Variants in NALF1 observed in about 807,000 individuals in gnomAD.
NALF1 encodes family with sequence similarity 155 member A.
A neutral mutation model predicts 48.4 loss-of-function variants in NALF1; 3 were observed. The ratio of observed to expected loss-of-function variants is 0.06; its 90% CI spans 0.03 to 0.16. The LOEUF is 0.16. Among genes scored for constraint, NALF1 ranks in the 10% least tolerant of loss-of-function variants. The pLI, the probability that NALF1 is intolerant of heterozygous loss-of-function variation, is 1.00. For synonymous variants in NALF1, 262 were observed against 245.7 expected, an observed-to-expected ratio of 1.07 and a Z score of -0.62; for missense variants, 526 against 571.5, an observed-to-expected ratio of 0.92 and a Z score of 0.81.
intron 1 of NALF1, among the ~76,000 whole-genome samples, chr13:107,293,020 G>A (rs964144319): frequency 4.2e-5 from 4 of 95,076 alleles, no homozygotes; most frequent in Non-Finnish European, 4.2e-5. Context: ...GAGCTCTGTC[G>A]CCCAGGCTGG....
intron 1 of NALF1, among the ~76,000 whole-genome samples, chr13:107,446,560 C>G (rs1042757210): frequency 6.6e-5 from 10 of 152,066 alleles, no homozygotes; most frequent in African/African-American, 1.9e-4. Flanking sequence ...TTCATGGCAG[C>G]ATAGAATATT....
intron 1 of NALF1, among the ~76,000 whole-genome samples, chr13:107,364,986 C>T (rs1594138484): frequency 1.2e-5 from 1 of 83,406 alleles, no homozygotes; most frequent in Non-Finnish European, 2.4e-5. Flanking sequence ...CCCCCTTCCC[C>T]ATCCCCCTCC....
At chr13:107,192,986 A>G (rs1393503159) in intron 2 of NALF1, among the ~76,000 whole-genome samples, 13 of 152,234 alleles carry the variant, frequency 8.5e-5, no homozygotes, top group Non-Finnish European at 1.9e-4. Context: ...AAAAAATAAA[A>G]AAGAAAAAAT....
intron 1 of NALF1, among the ~76,000 whole-genome samples, chr13:107,467,151 T>C (rs1885017429): frequency 6.6e-6 from 1 of 152,222 alleles, no homozygotes; most frequent in South Asian, 2.1e-4. Flanking sequence ...ATATGAATTC[T>C]TGATCGACAT....
At chr13:107,507,082 C>A (rs917065202) in intron 1 of NALF1, among the ~76,000 whole-genome samples, 2 of 152,018 alleles carry the variant, frequency 1.3e-5, no homozygotes, top group African/African-American at 4.8e-5. Context: ...ATAGTTGGTT[C>A]TTTCACGAAA....
Position 107,561,787 on chromosome 13 carries a change from T to C in NALF1, c.915+303895A>G, listed in dbSNP as rs71435240. On this transcript the variant is annotated intron_variant, in intron 1 of 2. Transcript: ENST00000375915. ...GTGAAGCCTGTCCATGTCCCTGTCA[T>C]AGGACTCATGGTAAACCTGTGTTTG... is the stretch of plus-strand genomic sequence containing the variant. 2.6e-3 allele frequency among the ~76,000 whole-genome samples: 390 copies of C among 152,356 alleles called. 1 individual carries two copies. Among genetic ancestry groups the C allele is most frequent in the Middle Eastern group, 0.02 (6 of 294 alleles).
Position 107,866,637 on chromosome 13 carries a change from G to T in NALF1, c.-41C>A. On this transcript the variant is annotated 5_prime_UTR_variant, in exon 1 of 3. Transcript: ENST00000375915. The surrounding 1 kb of genome is among the most constrained non-coding windows in gnomAD (Gnocchi z 4.4). ...AGCCCTGGCCGACTCCACCGTGAGG[G>T]CGCCTGTGCCGGTGTCACCACAATA... is the stretch of plus-strand genomic sequence containing the variant. 1 of 1,547,408 alleles carries T rather than the reference G, an allele frequency of 6.5e-7. No homozygotes were observed. The highest frequency in any genetic ancestry group is 2.1e-4 in the Middle Eastern group (1 of 4,848).
intron 2 of NALF1, among the ~76,000 whole-genome samples, chr13:107,206,813 T>C (rs538182710): frequency 2.0e-4 from 31 of 152,334 alleles, no homozygotes; most frequent in Middle Eastern, 3.4e-3. Flanking sequence ...TCAGGCCATG[T>C]GCAGTTACGT....
At chr13:107,339,631 C>A (rs1882631779) in intron 1 of NALF1, among the ~76,000 whole-genome samples, 1 of 152,136 alleles carries the variant, frequency 6.6e-6, no homozygotes, top group Non-Finnish European at 1.5e-5. Flanking sequence ...GGCACAGCGT[C>A]CCATATGCAC....
At chr13:107,385,797 C>A (rs9587366) in intron 1 of NALF1, among the ~76,000 whole-genome samples, 1 of 152,036 alleles carries the variant, frequency 6.6e-6, no homozygotes, top group African/African-American at 2.4e-5. Context: ...ATTTTTGTCC[C>A]ATTTATAGAA....
intron 1 of NALF1, among the ~76,000 whole-genome samples, chr13:107,569,976 A>T (rs74388208): frequency 0.11 from 16,106 of 150,910 alleles, 1,062 homozygotes; most frequent in Admixed American, 0.18. Context: ...TATTTTTTTT[A>T]AAAAAAATCT....
At chr13:107,795,904 T>C (rs979958352) in intron 1 of NALF1, among the ~76,000 whole-genome samples, 12 of 152,166 alleles carry the variant, frequency 7.9e-5, no homozygotes, top group Non-Finnish European at 1.3e-4. Flanking sequence ...TTGTTAAACA[T>C]ACATTTTTTC....
In NALF1 at chr13:107,325,897, C is replaced by CACAT. The variant is rs1555332574; in HGVS notation, c.916-115143_916-115142insATGT. 2.5e-5 allele frequency among the ~76,000 whole-genome samples: 3 copies of CACAT among 122,012 alleles called. No homozygotes were observed. The Admixed American group carries it at 2.5e-4, about 10-fold the overall frequency. The allele number at this position is 122,012 out of a possible 152,430, so 80.0% of individuals were successfully genotyped here. The stretch of plus-strand genomic sequence containing the variant: ...ATATATATATATATATACACACACA[C>CACAT]ACACACACACATATATACATATATC... On this transcript the variant is annotated intron_variant, in intron 1 of 2. Transcript: ENST00000375915.
At chr13:107,255,261 T>A (rs1880790365) in intron 1 of NALF1, among the ~76,000 whole-genome samples, 1 of 152,204 alleles carries the variant, frequency 6.6e-6, no homozygotes. Flanking sequence ...CTTTGTTCCT[T>A]TATTGGCAGA....
chr13:107,380,917 G>T (rs1465891117), intron 1 of NALF1, among the ~76,000 whole-genome samples: 4 of 148,658 alleles, frequency 2.7e-5, no homozygotes, highest in East Asian at 2.0e-4. Context: ...GGCGGAGCTT[G>T]CAGAGAGCAG....
chr13:107,402,764 C>T (rs190436740), intron 1 of NALF1, among the ~76,000 whole-genome samples: 53 of 152,154 alleles, frequency 3.5e-4, no homozygotes, highest in East Asian at 2.7e-3. Context: ...TGCCTAGAAA[C>T]GGGATTACAT....
intron 1 of NALF1, among the ~76,000 whole-genome samples, chr13:107,354,286 T>C (rs1882924539): frequency 6.6e-6 from 1 of 152,120 alleles, no homozygotes; most frequent in African/African-American, 2.4e-5. Flanking sequence ...ACACTTGTGC[T>C]GCACGACATG....
intron 1 of NALF1, among the ~76,000 whole-genome samples, chr13:107,720,012 C>A (rs1875936497): frequency 6.6e-6 from 1 of 152,092 alleles, no homozygotes; most frequent in Non-Finnish European, 1.5e-5. Flanking sequence ...GCTTTGTCAC[C>A]ACCCCAATAT....
chr13:107,180,321 T>G (rs1879035113), intron 2 of NALF1, among the ~76,000 whole-genome samples: 1 of 152,036 alleles, frequency 6.6e-6, no homozygotes, highest in Admixed American at 6.5e-5. Flanking sequence ...TAAGGAAATC[T>G]TAAGGAATCT....
Sources: gnomAD v4.1 joint callset for allele counts (sites outside exome capture counted in the v4.1 genomes callset) on GRCh38, gnomAD v4.1.1 for gene constraint, Gnocchi (gnomAD v3.1) non-coding constraint, MANE v1.5 for transcripts, NCBI Gene and HGNC (gene_info 2026-07-23, HGNC 2026-07-21) for gene names.